CYP4Z1: variants seen among roughly 807,000 people sequenced by gnomAD.
The protein encoded by CYP4Z1 is cytochrome P450 4Z1.
Under a neutral mutation model 54.2 loss-of-function variants are expected in CYP4Z1, and 41 were observed. That is an observed-to-expected ratio of 0.76 (90% confidence interval 0.59 to 0.98). The LOEUF is 0.98. CYP4Z1 is among the 50% of genes least tolerant of loss of function. CYP4Z1 has a pLI of 0.00. For missense variants in CYP4Z1, 513 were observed against 599.0 expected (o/e 0.86, Z 1.50); for synonymous variants, 163 against 206.2 (o/e 0.79, Z 1.79).
Position 47,068,695 on chromosome 1 carries a change from T to C in CYP4Z1, c.251T>C (p.Val84Ala), listed in dbSNP as rs1395744486. The C allele has an allele frequency of 3.1e-6, 5 of 1,614,144 alleles. No homozygotes were observed. The highest frequency in any genetic ancestry group is 1.1e-5 in the South Asian group (1 of 91,080). Reference sequence around the variant, plus strand: ...TACCCATGTGCTGTTCCCTTGTGGGTTGGACCCTTTACGATGTTCTTCAGT... The same window carrying C: ...TACCCATGTGCTGTTCCCTTGTGGGCTGGACCCTTTACGATGTTCTTCAGT... Reference protein sequence around the residue: ...EKYPCAVPLWVGPFTMFFSVH... With the variant: ...EKYPCAVPLWAGPFTMFFSVH... Residue 84 changes from valine (V) to alanine (A), a missense_variant, in exon 2 of 12, where the codon GTT becomes GCT. By Grantham distance (64) the Val-to-Ala change is moderately conservative (BLOSUM62 0). Coordinates refer to ENST00000334194, the MANE Select transcript of CYP4Z1 (RefSeq NM_178134.3).
intron 9 of CYP4Z1, among the ~76,000 whole-genome samples, chr1:47,112,092 G>C (rs1644795926): frequency 6.6e-6 from 1 of 152,026 alleles, no homozygotes; most frequent in Admixed American, 6.6e-5. Flanking sequence ...AAACTAAAAG[G>C]AAACAGGTGA....
chr1:47,107,203 C>T (rs1644763045), intron 9 of CYP4Z1, among the ~76,000 whole-genome samples: 1 of 152,142 alleles, frequency 6.6e-6, no homozygotes, highest in African/African-American at 2.4e-5. Context: ...TCCTCCTGCC[C>T]CCCAGTTCTG....
intron 2 of CYP4Z1, among the ~76,000 whole-genome samples, chr1:47,077,112 T>C (rs1435073811): frequency 1.3e-5 from 2 of 151,848 alleles, no homozygotes; most frequent in African/African-American, 2.4e-5. Flanking sequence ...TATAGTGTTG[T>C]TCAAGTTCTC....
intron 4 of CYP4Z1, among the ~76,000 whole-genome samples, chr1:47,083,373 T>G (rs1170624758): frequency 1.3e-5 from 2 of 152,244 alleles, no homozygotes. Flanking sequence ...CTGCAAATAC[T>G]TTTTAAGCAC....
chr1:47,084,512 T>C, intron 4 of CYP4Z1, 108 bp from the exon 5 acceptor site: 1 of 1,494,390 alleles, frequency 6.7e-7, no homozygotes, highest in Non-Finnish European at 9.0e-7. Context: ...ATTCATTTTG[T>C]ACGCTTTATA....
At chr1:47,096,329 A>T (rs1644676614) in intron 7 of CYP4Z1, among the ~76,000 whole-genome samples, 1 of 152,196 alleles carries the variant, frequency 6.6e-6, no homozygotes, top group Non-Finnish European at 1.5e-5. Context: ...AGGTGGGAGG[A>T]TCACTTGAAC....
chr1:47,086,290 A>T (rs1243297795), intron 6 of CYP4Z1, among the ~76,000 whole-genome samples: 1 of 152,208 alleles, frequency 6.6e-6, no homozygotes, highest in Non-Finnish European at 1.5e-5. Context: ...CAATGGATGA[A>T]CTAGTTTACA....
intron 2 of CYP4Z1, among the ~76,000 whole-genome samples, chr1:47,073,537 GT>G (rs1644496713): frequency 6.7e-6 from 1 of 150,228 alleles, no homozygotes. Context: ...TAGAGATGGG[GT>G]TTCACCATGT....
chr1:47,076,697 T>C (rs1216205186), intron 2 of CYP4Z1, among the ~76,000 whole-genome samples: 2 of 150,498 alleles, frequency 1.3e-5, no homozygotes, highest in East Asian at 3.9e-4. Context: ...TACAAAAAAT[T>C]AGCCGGGAGC....
intron 11 of CYP4Z1, 128 bp from the exon 12 acceptor site, chr1:47,117,638 G>T: frequency 9.9e-7 from 1 of 1,009,924 alleles, no homozygotes; most frequent in East Asian, 2.8e-5. Flanking sequence ...CTGTAATCCA[G>T]CAGGATGACA....
At chr1:47,099,328 C>T (rs1557630679) in intron 8 of CYP4Z1, 44 bp downstream of exon 8, 11 of 1,496,166 alleles carry the variant, frequency 7.4e-6, no homozygotes, top group South Asian at 1.3e-5. Context: ...TCCCCTTATA[C>T]ATTTGATTAT....
At chr1:47,106,018 G>T (rs776812771) in intron 8 of CYP4Z1, 110 bp from the exon 9 acceptor site, 10 of 1,351,982 alleles carry the variant, frequency 7.4e-6, no homozygotes, top group Non-Finnish European at 1.0e-5. Flanking sequence ...TCCTCCTTTG[G>T]GTAAAGAACA....
upstream of CYP4Z1, among the ~76,000 whole-genome samples, chr1:47,064,240 C>A (rs933038623): frequency 6.6e-6 from 1 of 151,828 alleles, no homozygotes; most frequent in Non-Finnish European, 1.5e-5. Context: ...CACCACCACA[C>A]GCCTGGCTAA....
Position 47,067,674 on chromosome 1 carries a change from G to C in CYP4Z1, c.177+7G>C. 6.3e-7 allele frequency: 1 copy of C among 1,589,396 alleles called. No individual in the cohort carries two copies. The highest frequency in any genetic ancestry group is 8.6e-7 in the Non-Finnish European group (1 of 1,164,690). The stretch of plus-strand genomic sequence containing the variant: ...GTTCTATGGCCACAAGGAGGTAAGA[G>C]GAGAAAATTAGTTGGGGAGGTTAAG... On this transcript the variant is annotated splice_region_variant and intron_variant, in intron 1 of 11. Transcript: ENST00000334194.
At chr1:47,096,566 T>C (rs571010890) in intron 7 of CYP4Z1, 1 of 152,000 alleles carries the variant, frequency 6.6e-6, no homozygotes, top group Non-Finnish European at 1.5e-5. Flanking sequence ...ACATGTGCCA[T>C]AGTGGTTTGC....
chr1:47,088,171 C>T (rs1188207301), intron 6 of CYP4Z1, among the ~76,000 whole-genome samples: 1 of 152,076 alleles, frequency 6.6e-6, no homozygotes, highest in Non-Finnish European at 1.5e-5. Flanking sequence ...TTTGTTGTGT[C>T]TCTGCCAGGC....
At position 47,092,026 on chromosome 1, in the gene CYP4Z1, T is replaced by A. The variant is rs550136175; in HGVS notation, c.773-2540T>A. Among the ~76,000 whole-genome samples, 10 of 151,864 alleles carry A rather than the reference T, an allele frequency of 6.6e-5. No individual in the cohort carries two copies. The East Asian group carries it at 1.6e-3, about 24-fold the overall frequency. On this transcript the variant is annotated intron_variant, in intron 6 of 11. Coordinates refer to ENST00000334194, the MANE Select transcript of CYP4Z1 (RefSeq NM_178134.3). ...GTAATAGCAGTTTGAGCCACTGGAG[T>A]CGGCATTTGAGTCTCAGGACCCATC... is the stretch of plus-strand genomic sequence containing the variant.
At chr1:47,103,429 C>T (rs1644734560) in intron 8 of CYP4Z1, among the ~76,000 whole-genome samples, 1 of 151,956 alleles carries the variant, frequency 6.6e-6, no homozygotes, top group South Asian at 2.1e-4. Flanking sequence ...CTTACTGCCT[C>T]AGCCTCTCAA....
At chr1:47,100,549 G>A (rs969187184) in intron 8 of CYP4Z1, among the ~76,000 whole-genome samples, 7 of 152,180 alleles carry the variant, frequency 4.6e-5, no homozygotes, top group Non-Finnish European at 7.3e-5. Flanking sequence ...GTCACGGTTG[G>A]TGTTGGTTAT....
Sources: allele counts gnomAD v4.1 joint callset (sites outside exome capture counted in the v4.1 genomes callset), GRCh38; gene constraint gnomAD v4.1.1; transcripts MANE v1.5; gene names NCBI Gene and HGNC (gene_info 2026-07-23, HGNC 2026-07-21).